The following RIMBP2 variants were observed in gnomAD, a reference collection of about 807,000 sequenced individuals.
RIMBP2 encodes RIMS-binding protein 2.
RIMBP2 carries 48 observed loss-of-function variants against 118.6 expected under a neutral mutation model. That is an observed-to-expected ratio of 0.40 (90% CI 0.32 to 0.51). The LOEUF (loss-of-function observed/expected upper bound fraction) is 0.51, where lower values mean the gene tolerates loss of function less well. RIMBP2 is among the 20% of genes least tolerant of loss of function. RIMBP2 has a pLI of 0.41. For missense variants in RIMBP2, 1,551 were observed against 1,768.3 expected, an observed-to-expected ratio of 0.88 and a Z score of 2.20; for synonymous variants, 762 against 742.9, an observed-to-expected ratio of 1.03 and a Z score of -0.42.
chr12:130,439,658 GT>G (rs1302836022), intron 11 of RIMBP2, among the ~76,000 whole-genome samples: 3 of 44,070 alleles, frequency 6.8e-5, no homozygotes, highest in African/African-American at 2.6e-4. Context: ...GGGGGGATGT[GT>G]TTTTTTGTGT....
intron 4 of RIMBP2, among the ~76,000 whole-genome samples, chr12:130,490,117 C>T (rs2048495163): frequency 2.3e-5 from 2 of 85,132 alleles, no homozygotes; most frequent in African/African-American, 5.0e-5. Context: ...GAGCGAGACT[C>T]TGTCTCAAAA....
intron 3 of RIMBP2, among the ~76,000 whole-genome samples, chr12:130,514,179 T>A (rs1303511862): frequency 6.6e-6 from 1 of 152,208 alleles, no homozygotes; most frequent in Non-Finnish European, 1.5e-5. Context: ...CTGCTGCCTC[T>A]CTCAAAGCAC....
intron 2 of RIMBP2, among the ~76,000 whole-genome samples, chr12:130,539,316 T>C (rs571095913): frequency 3.1e-4 from 47 of 152,214 alleles, no homozygotes; most frequent in Non-Finnish European, 5.3e-4. Context: ...TAAAGAACAG[T>C]GTCAGTGAAT....
At chr12:130,656,212 G>A (rs1207886325) in intron 1 of RIMBP2, among the ~76,000 whole-genome samples, 1 of 152,188 alleles carries the variant, frequency 6.6e-6, no homozygotes, top group African/African-American at 2.4e-5. Flanking sequence ...TCTTAAAGGG[G>A]TTGGGGGACC....
At chr12:130,643,559 G>A (rs1212939356) in intron 1 of RIMBP2, among the ~76,000 whole-genome samples, 1 of 149,126 alleles carries the variant, frequency 6.7e-6, no homozygotes, top group Non-Finnish European at 1.5e-5. Context: ...GGAGAAGAAA[G>A]AAATCACTAG....
At chr12:130,595,090 C>A (rs902335405) in intron 2 of RIMBP2, among the ~76,000 whole-genome samples, 5 of 152,170 alleles carry the variant, frequency 3.3e-5, no homozygotes, top group African/African-American at 7.2e-5. Flanking sequence ...AAAAGAACAG[C>A]CCAGTTAAAT....
At chr12:130,468,423 C>CT (rs1318250040) in intron 6 of RIMBP2, among the ~76,000 whole-genome samples, 2 of 152,192 alleles carry the variant, frequency 1.3e-5, no homozygotes, top group Non-Finnish European at 2.9e-5. Context: ...TCACAAGCTC[C>CT]TGGGCGCTGC....
chr12:130,480,611 A>AT (rs1015501211), intron 4 of RIMBP2, among the ~76,000 whole-genome samples: 17 of 151,978 alleles, frequency 1.1e-4, no homozygotes, highest in Middle Eastern at 3.4e-3. Context: ...ATTTATTTTT[A>AT]TTTTTTTGAG....
chr12:130,532,940 C>T (rs528427083), intron 2 of RIMBP2, among the ~76,000 whole-genome samples: 10 of 147,410 alleles, frequency 6.8e-5, no homozygotes, highest in East Asian at 2.1e-4. Flanking sequence ...CTAGGAGGGA[C>T]GTCTAATGAG....
intron 4 of RIMBP2, among the ~76,000 whole-genome samples, chr12:130,492,285 G>C (rs1230893528): frequency 6.6e-6 from 1 of 152,156 alleles, no homozygotes; most frequent in South Asian, 2.1e-4. Context: ...ATGGCATCAC[G>C]ACTGTCTGTC....
At chr12:130,425,331 A>G (rs1229334525) in intron 15 of RIMBP2, 4 of 155,176 alleles carry the variant, frequency 2.6e-5, no homozygotes, top group Non-Finnish European at 5.7e-5. Flanking sequence ...GTCCCTGTCC[A>G]TCCACTGGGC....
At chr12:130,580,054 CG>C in intron 2 of RIMBP2, among the ~76,000 whole-genome samples, 1 of 140,156 alleles carries the variant, frequency 7.1e-6, no homozygotes, top group South Asian at 2.3e-4. Context: ...AAAAATTAGC[CG>C]GGCATGGTGG....
chr12:130,656,444 T>C (rs1259307799), intron 1 of RIMBP2, among the ~76,000 whole-genome samples: 3 of 152,194 alleles, frequency 2.0e-5, no homozygotes, highest in Non-Finnish European at 4.4e-5. Context: ...ATTTGTGTCC[T>C]GAGGCAAACA....
intron 3 of RIMBP2, among the ~76,000 whole-genome samples, chr12:130,510,422 A>G (rs373611479): frequency 6.6e-6 from 1 of 151,860 alleles, no homozygotes. Flanking sequence ...GAAGGTGAAG[A>G]GTCCAGACAG....
chr12:130,665,295 T>G (rs2063867598), intron 1 of RIMBP2, among the ~76,000 whole-genome samples: 1 of 151,362 alleles, frequency 6.6e-6, no homozygotes, highest in African/African-American at 2.5e-5. Context: ...GAGGCCGAGG[T>G]GGGTGGATCA....
intron 2 of RIMBP2, among the ~76,000 whole-genome samples, chr12:130,589,314 G>A (rs1160365110): frequency 6.6e-6 from 1 of 152,014 alleles, no homozygotes; most frequent in African/African-American, 2.4e-5. Context: ...GCTTTGTTCT[G>A]TTTTGTTTTG....
intron 1 of RIMBP2, among the ~76,000 whole-genome samples, chr12:130,665,274 C>G (rs1382329543): frequency 6.6e-6 from 1 of 151,638 alleles, no homozygotes; most frequent in African/African-American, 2.4e-5. Flanking sequence ...CCTGTAATCC[C>G]AGCACTTTGG....
intron 2 of RIMBP2, among the ~76,000 whole-genome samples, chr12:130,537,803 C>G (rs1158084065): frequency 2.6e-5 from 4 of 152,216 alleles, no homozygotes; most frequent in Non-Finnish European, 5.9e-5. Context: ...GTTTGCCTAT[C>G]TGCCTAGCAT....
intron 2 of RIMBP2, among the ~76,000 whole-genome samples, chr12:130,539,055 C>A (rs959864366): frequency 6.6e-5 from 10 of 152,196 alleles, no homozygotes; most frequent in Non-Finnish European, 8.8e-5. Context: ...GAAAATATGG[C>A]CTGCAGGCCA....
Sources: gnomAD v4.1 joint callset for allele counts (sites outside exome capture counted in the v4.1 genomes callset) on GRCh38, gnomAD v4.1.1 for gene constraint, MANE v1.5 for transcripts, NCBI Gene and HGNC (gene_info 2026-07-23, HGNC 2026-07-21) for gene names.